Variants in ENO4 observed in about 807,000 individuals in gnomAD.
ENO4 encodes the protein enolase 4, also known as 2-phospho-D-glycerate hydro-lyase.
A neutral mutation model predicts 63.2 loss-of-function variants in ENO4; 53 were observed. The ratio of observed to expected loss-of-function variants is 0.84; its 90% CI spans 0.67 to 1.05. The LOEUF is 1.05. ENO4 is among the 50% of genes least tolerant of loss of function. ENO4 has a pLI of 0.00. For missense variants in ENO4, 719 were observed against 772.0 expected (o/e 0.93, Z 0.81); for synonymous variants, 266 against 283.8 (o/e 0.94, Z 0.63).
At chr10:116,860,437 T>G (rs865914725) in intron 4 of ENO4, among the ~76,000 whole-genome samples, 1 of 152,156 alleles carries the variant, frequency 6.6e-6, no homozygotes, top group Non-Finnish European at 1.5e-5. Context: ...AACAAATGAT[T>G]TGAAATTTCA....
At chr10:116,851,691 C>G (rs1283061812) in intron 1 of ENO4, among the ~76,000 whole-genome samples, 5 of 152,134 alleles carry the variant, frequency 3.3e-5, no homozygotes, top group African/African-American at 1.2e-4. Context: ...TGCTTGCTGG[C>G]CTTCATGTGT....
intron 10 of ENO4, chr10:116,901,922 A>C: frequency 6.2e-7 from 1 of 1,604,428 alleles, no homozygotes; most frequent in South Asian, 1.1e-5. Flanking sequence ...ACTGGCATGG[A>C]TTTGGACTCT....
At chr10:116,889,154 A>AG (rs1847256417) in intron 10 of ENO4, among the ~76,000 whole-genome samples, 1 of 152,210 alleles carries the variant, frequency 6.6e-6, no homozygotes, top group South Asian at 2.1e-4. Flanking sequence ...CTGTAGGTGA[A>AG]GGGGTGGTGC....
intron 8 of ENO4, among the ~76,000 whole-genome samples, chr10:116,870,440 A>G (rs1468181322): frequency 6.6e-6 from 1 of 152,162 alleles, no homozygotes; most frequent in Non-Finnish European, 1.5e-5. Context: ...CAAGACTTCA[A>G]GACCAGCCTG....
chr10:116,857,680 C>A (rs1846304275), intron 3 of ENO4, among the ~76,000 whole-genome samples: 1 of 151,432 alleles, frequency 6.6e-6, no homozygotes, highest in Admixed American at 6.6e-5. Context: ...CCTCTGTCAC[C>A]CAGGCTGGAG....
At chr10:116,900,731 T>C in intron 10 of ENO4, 3 of 984,648 alleles carry the variant, frequency 3.0e-6, no homozygotes, top group South Asian at 4.7e-5. Context: ...ATCTTTCTGT[T>C]AGAACTGTTC....
chr10:116,855,774 T>C (rs1485998548), intron 2 of ENO4, 23 bp downstream of exon 2: 1 of 1,518,696 alleles, frequency 6.6e-7, no homozygotes, highest in African/African-American at 1.4e-5. Flanking sequence ...TTAAGTGTGT[T>C]CTTTAATGTC....
intron 10 of ENO4, among the ~76,000 whole-genome samples, chr10:116,892,174 G>A (rs148297495): frequency 4.1e-4 from 63 of 152,168 alleles, no homozygotes; most frequent in African/African-American, 1.4e-3. Context: ...CTTACCTCCC[G>A]GACCACAATG....
intron 7 of ENO4, among the ~76,000 whole-genome samples, chr10:116,867,347 T>C (rs1281560686): frequency 6.6e-6 from 1 of 151,738 alleles, no homozygotes; most frequent in Admixed American, 6.6e-5. Flanking sequence ...CTAGAATACA[T>C]TGCATTTTTT....
chr10:116,849,705 C>G lies in ENO4; in HGVS notation c.139C>G (p.Gln47Glu). The G allele has an allele frequency of 6.5e-7, 1 of 1,538,118 alleles. No individual in the cohort carries two copies. Among genetic ancestry groups the G allele is most frequent in the African/African-American group, 1.4e-5 (1 of 72,840 alleles). ...GCTGCTCAACTCCACCTTCTACCTC[C>G]AGCCTGCCGACGTCTACGGGCACCT... Reference protein sequence around the residue: ...EELLNSTFYLQPADVYGHLAN... With the variant: ...EELLNSTFYLEPADVYGHLAN... Residue 47 changes from glutamine (Q) to glutamate (E), a missense_variant, in exon 1 of 14, where the codon CAG (glutamine) becomes GAG (glutamate). Coordinates refer to ENST00000341276, the MANE Select transcript of ENO4 (RefSeq NM_001242699.2).
Position 116,901,426 on chromosome 10 carries a change from C to T in ENO4, c.1195-10073C>T, listed in dbSNP as rs973428707. On this transcript the variant is annotated intron_variant, in intron 10 of 10. Coordinates refer to the ENO4 transcript ENST00000369207. Reference sequence around the variant, plus strand: ...GTATCTTCTTGGGCTGCTCATGAACCATTAAGAGGGATGATCGATGTATTT... The same window carrying T: ...GTATCTTCTTGGGCTGCTCATGAACTATTAAGAGGGATGATCGATGTATTT... 3.8e-5 allele frequency: 37 copies of T among 985,166 alleles called. No individual in the cohort carries two copies. The African/African-American group carries it at 4.9e-4, about 13-fold the overall frequency. The allele number at this position is 985,166 out of a possible 1,614,324, so 61.0% of individuals were successfully genotyped here.
intron 12 of ENO4, 36 bp downstream of exon 12, chr10:116,879,394 CT>C: frequency 6.9e-7 from 1 of 1,457,374 alleles, no homozygotes; most frequent in Non-Finnish European, 9.3e-7. Context: ...CCAAACACTG[CT>C]TTTATCACGA....
chr10:116,899,116 A>C (rs543256785), intron 10 of ENO4, among the ~76,000 whole-genome samples: 1 of 152,352 alleles, frequency 6.6e-6, no homozygotes, highest in Non-Finnish European at 1.5e-5. Context: ...GAATTGTTCC[A>C]TGTGTGTAAG....
intron 10 of ENO4, among the ~76,000 whole-genome samples, chr10:116,897,939 C>A (rs933650158): frequency 1.3e-5 from 2 of 152,132 alleles, no homozygotes; most frequent in Non-Finnish European, 2.9e-5. Flanking sequence ...GATTAAAATA[C>A]AAATCATTCT....
At chr10:116,890,409 A>G (rs1055245263) in intron 10 of ENO4, among the ~76,000 whole-genome samples, 1 of 152,246 alleles carries the variant, frequency 6.6e-6, no homozygotes, top group Admixed American at 6.5e-5. Context: ...TCCAAGGAAC[A>G]GTGAGGTTAA....
At chr10:116,860,139 C>T (rs1395343750) in intron 4 of ENO4, among the ~76,000 whole-genome samples, 1 of 152,326 alleles carries the variant, frequency 6.6e-6, no homozygotes, top group Admixed American at 6.5e-5. Context: ...CACTGGGGAC[C>T]TGAACCACAT....
chr10:116,901,175 G>GT, intron 10 of ENO4: 3 of 985,378 alleles, frequency 3.0e-6, no homozygotes, highest in Non-Finnish European at 3.6e-6. Context: ...AGCTGCCATT[G>GT]TTATAAAACA....
chr10:116,879,088 T>C (rs1846923667), intron 11 of ENO4, among the ~76,000 whole-genome samples: 1 of 152,150 alleles, frequency 6.6e-6, no homozygotes, highest in African/African-American at 2.4e-5. Context: ...ATTTAGTATT[T>C]ACAGCATCTA....
rs1846683363 is a variant in ENO4, at chr10:116,871,121, G to A, written c.1048-4G>A. ...ACATGGATCATTGTCTCTTGATCTTGCAGCAGCAGATCACTGGCAAGATGT... is the reference window on the plus strand; with the variant it reads ...ACATGGATCATTGTCTCTTGATCTTACAGCAGCAGATCACTGGCAAGATGT... On this transcript the variant is annotated splice_polypyrimidine_tract_variant and splice_region_variant and intron_variant, in intron 8 of 13. Coordinates refer to ENST00000341276, the MANE Select transcript of ENO4 (RefSeq NM_001242699.2). 4 of 1,549,782 alleles carry A rather than the reference G, an allele frequency of 2.6e-6. No homozygotes were observed. Among genetic ancestry groups the A allele is most frequent in the African/African-American group, 1.4e-5 (1 of 73,128 alleles).
Sources: allele counts gnomAD v4.1 joint callset (sites outside exome capture counted in the v4.1 genomes callset), GRCh38; gene constraint gnomAD v4.1.1; transcripts MANE v1.5; gene names NCBI Gene and HGNC (gene_info 2026-07-23, HGNC 2026-07-21).